The following GNA12 variants were observed in gnomAD, a reference collection of about 807,000 sequenced individuals.
GNA12 encodes guanine nucleotide-binding protein subunit alpha-12.
Under a neutral mutation model 26.0 loss-of-function variants are expected in GNA12, and 9 were observed. That is an observed-to-expected ratio of 0.35 (90% CI 0.21 to 0.60). GNA12 has a LOEUF of 0.60. GNA12 is among the 20% of genes least tolerant of loss of function. The pLI, the probability that GNA12 is intolerant of heterozygous loss-of-function variation, is 0.78. For missense variants in GNA12, 405 were observed against 525.8 expected (o/e 0.77, Z 2.25); for synonymous variants, 264 against 219.6 (o/e 1.20, Z -1.79).
chr7:2,771,178 C>G (rs1381618768), intron 2 of GNA12, among the ~76,000 whole-genome samples: 2 of 152,072 alleles, frequency 1.3e-5, no homozygotes, highest in Non-Finnish European at 2.9e-5. Context: ...ATAATCCCAG[C>G]TACTCGGGAG....
chr7:2,834,098 C>G (rs868716486), intron 1 of GNA12, among the ~76,000 whole-genome samples: 1 of 152,236 alleles, frequency 6.6e-6, no homozygotes, highest in East Asian at 1.9e-4. Flanking sequence ...GGAGAAGACC[C>G]ACAGCTTTCA....
Position 2,774,952 on chromosome 7 carries a change from T to C in GNA12, c.525+19976A>G, listed in dbSNP as rs540321445. On this transcript the variant is annotated intron_variant, in intron 2 of 3. Transcript: ENST00000275364. ...TATTAATAATATTCTCAAAAGAGTA[T>C]GAATTGCACAATTTAATTTACCGAC... is the stretch of plus-strand genomic sequence containing the variant. Among the ~76,000 whole-genome samples, 6 of 152,326 alleles carry C rather than the reference T, an allele frequency of 3.9e-5. No individual in the cohort carries two copies. The East Asian group carries it at 9.6e-4, about 24-fold the overall frequency.
chr7:2,809,650 A>G (rs998802632), intron 1 of GNA12, among the ~76,000 whole-genome samples: 2 of 152,210 alleles, frequency 1.3e-5, no homozygotes, highest in Non-Finnish European at 2.9e-5. Context: ...CCCAAGGAAC[A>G]GTACAATAAA....
intron 2 of GNA12, chr7:2,775,157 C>T (rs1025546844): frequency 3.9e-5 from 6 of 152,204 alleles, no homozygotes; most frequent in African/African-American, 1.4e-4. Context: ...GCTAGAGAAA[C>T]CAGTGTCTCA....
At chr7:2,832,037 T>C (rs909642710) in intron 1 of GNA12, among the ~76,000 whole-genome samples, 1 of 152,230 alleles carries the variant, frequency 6.6e-6, no homozygotes, top group Non-Finnish European at 1.5e-5. Flanking sequence ...TGACTGCCAG[T>C]ATCTCACCTT....
intron 1 of GNA12, among the ~76,000 whole-genome samples, chr7:2,820,126 G>A (rs1420807282): frequency 6.6e-6 from 1 of 152,186 alleles, no homozygotes; most frequent in East Asian, 1.9e-4. Context: ...ACAACATACT[G>A]TATGATTCCA....
rs1321784624 is a variant in GNA12 at position 2,728,785 on chromosome 7, G to A, written c.*2396C>T. On this transcript the variant is annotated 3_prime_UTR_variant, in exon 4 of 4. Coordinates refer to ENST00000275364, the MANE Select transcript of GNA12 (RefSeq NM_007353.3). ...AGTTTCCTTCTTCTCCAATTACAAT[G>A]TGTTACAGAATTTGGAAGGGGGTGT... 1 of 152,354 alleles carries A rather than the reference G, an allele frequency of 6.6e-6. No homozygotes were observed. Among genetic ancestry groups the A allele is most frequent in the Non-Finnish European group, 1.5e-5 (1 of 68,050 alleles). 9.4% of individuals were successfully genotyped at this position (152,354 alleles called of 1,614,324 possible).
At chr7:2,767,267 T>C (rs1428016063) in intron 2 of GNA12, among the ~76,000 whole-genome samples, 1 of 152,258 alleles carries the variant, frequency 6.6e-6, no homozygotes, top group African/African-American at 2.4e-5. Context: ...CTATGTTTTC[T>C]TTTGTTGCCT....
At chr7:2,815,792 C>T (rs901141403) in intron 1 of GNA12, among the ~76,000 whole-genome samples, 44 of 152,214 alleles carry the variant, frequency 2.9e-4, no homozygotes, top group African/African-American at 9.4e-4. Flanking sequence ...ACAACAGTCC[C>T]GTCTGTGTCT....
intron 2 of GNA12, among the ~76,000 whole-genome samples, chr7:2,733,813 A>C (rs950562489): frequency 6.6e-6 from 1 of 152,168 alleles, no homozygotes. Context: ...CCAGACATGA[A>C]GGCTGGCCCA....
chr7:2,733,552 A>C, intron 2 of GNA12, 51 bp from the exon 3 acceptor site: 1 of 1,417,776 alleles, frequency 7.1e-7, no homozygotes, highest in South Asian at 1.2e-5. Context: ...AGGAATCCTG[A>C]TGTGGCAAAT....
intron 1 of GNA12, among the ~76,000 whole-genome samples, chr7:2,842,664 G>C (rs920691559): frequency 6.6e-6 from 1 of 152,222 alleles, no homozygotes; most frequent in Non-Finnish European, 1.5e-5. Flanking sequence ...GGAGAATCTG[G>C]AGATTCATTG....
intron 2 of GNA12, among the ~76,000 whole-genome samples, chr7:2,783,260 T>A (rs1792274335): frequency 6.6e-6 from 1 of 152,166 alleles, no homozygotes; most frequent in Non-Finnish European, 1.5e-5. Context: ...ACCAGGCACT[T>A]GGGTATGTTA....
intron 1 of GNA12, among the ~76,000 whole-genome samples, chr7:2,831,314 G>A (rs963962850): frequency 4.6e-5 from 7 of 151,506 alleles, no homozygotes; most frequent in African/African-American, 1.7e-4. Context: ...CAGAGTTTTC[G>A]ATCCATATCT....
At chr7:2,732,389 G>A (rs1789942043) in intron 3 of GNA12, among the ~76,000 whole-genome samples, 1 of 152,060 alleles carries the variant, frequency 6.6e-6, no homozygotes, top group South Asian at 2.1e-4. Context: ...TTTACAAGAA[G>A]TAAAAACATT....
intron 1 of GNA12, among the ~76,000 whole-genome samples, chr7:2,796,946 C>G (rs182815887): frequency 1.0e-3 from 154 of 152,266 alleles, no homozygotes; most frequent in Non-Finnish European, 1.8e-3. Flanking sequence ...TTCTGAGGGG[C>G]ACACTGCATA....
intron 1 of GNA12, chr7:2,814,734 G>A (rs774402212): frequency 1.5e-5 from 11 of 711,862 alleles, no homozygotes; most frequent in Non-Finnish European, 2.3e-5. Context: ...TGCATATAAC[G>A]GCCTTCCACA....
At chr7:2,795,773 A>T (rs887093414) in intron 1 of GNA12, among the ~76,000 whole-genome samples, 3 of 151,958 alleles carry the variant, frequency 2.0e-5, no homozygotes, top group African/African-American at 7.2e-5. Flanking sequence ...CAACAATTTC[A>T]GAAAATTTCA....
rs1167918217 is a variant in GNA12, at chr7:2,730,956, C to T, written c.*225G>A. 3.8e-6 allele frequency: 2 copies of T among 526,718 alleles called. No individual in the cohort carries two copies. Among genetic ancestry groups the T allele is most frequent in the East Asian group, 5.9e-5 (2 of 34,040 alleles). The allele number at this position is 526,718 out of a possible 1,614,324, so 32.6% of individuals were successfully genotyped here. On this transcript the variant is annotated 3_prime_UTR_variant, in exon 4 of 4. Transcript: ENST00000275364. The stretch of plus-strand genomic sequence containing the variant: ...TTCACAACATCATCACTCGGATTTT[C>T]AGTAGTTTCACTCGCCCCCAGGATT...
Sources: allele counts gnomAD v4.1 joint callset (sites outside exome capture counted in the v4.1 genomes callset), GRCh38; gene constraint gnomAD v4.1.1; transcripts MANE v1.5; gene names NCBI Gene and HGNC (gene_info 2026-07-23, HGNC 2026-07-21).